SPATS1: variants seen among roughly 807,000 people sequenced by gnomAD.
SPATS1 encodes the protein spermatogenesis-associated serine-rich protein 1.
Under a neutral mutation model 33.6 loss-of-function variants are expected in SPATS1, and 23 were observed. The observed-to-expected ratio is 0.68, with a 90% confidence interval of 0.49 to 0.97. The LOEUF is 0.97. SPATS1 is among the 50% of genes least tolerant of loss of function. The probability of loss-of-function intolerance (pLI) is 0.00; values close to 1 mark genes in which losing one functional copy is unlikely to be tolerated. For synonymous variants in SPATS1, 131 were observed against 125.6 expected, an observed-to-expected ratio of 1.04 and a Z score of -0.29; for missense variants, 327 against 361.0, an observed-to-expected ratio of 0.91 and a Z score of 0.76.
intron 2 of SPATS1, among the ~76,000 whole-genome samples, chr6:44,343,909 C>G (rs753206970): frequency 3.3e-5 from 5 of 152,132 alleles, no homozygotes; most frequent in Non-Finnish European, 7.4e-5. Flanking sequence ...CCAGACTTTG[C>G]GGGATCAGAT....
At chr6:44,362,857 A>G (rs1554153364) in intron 5 of SPATS1, among the ~76,000 whole-genome samples, 1 of 149,876 alleles carries the variant, frequency 6.7e-6, no homozygotes, top group Non-Finnish European at 1.5e-5. Flanking sequence ...TTTTTTTTTG[A>G]GACGGAGTTT....
rs142374593 is a variant in SPATS1 at position 44,370,658 on chromosome 6, A to T, written c.758+545A>T. 6.3e-3 allele frequency among the ~76,000 whole-genome samples: 954 copies of T among 152,288 alleles called. 10 individuals are homozygous for T. The highest frequency in any genetic ancestry group is 0.01 in the Non-Finnish European group (698 of 68,008). ...TTCTTTTTTTACTTTCTAATACAAAACAGTCTCCTATGAGTGGGCATGTGT... is the reference window on the plus strand; with the variant it reads ...TTCTTTTTTTACTTTCTAATACAAATCAGTCTCCTATGAGTGGGCATGTGT... On this transcript the variant is annotated intron_variant, in intron 7 of 8. Transcript: ENST00000674044.
At chr6:44,366,009 T>C (rs1362720686) in intron 5 of SPATS1, among the ~76,000 whole-genome samples, 1 of 152,190 alleles carries the variant, frequency 6.6e-6, no homozygotes, top group Non-Finnish European at 1.5e-5. Context: ...AGAAGTGTTG[T>C]TTGGGAGATT....
chr6:44,368,415 C>T lies in SPATS1; in HGVS notation c.611C>T (p.Pro204Leu), dbSNP rs1334107452. ...DPRNGIPKLT[P>L]GDNPYMYPEQ... ...AGGAATGGAATCCCAAAGTTAACTC[C>T]AGGCGACAATCCATATATGTACCCA... The change falls in exon 6 of 9, where the codon CCA (proline) becomes CTA (leucine). Residue 204 changes from proline to leucine, a missense_variant. Transcript: ENST00000674044. 6.2e-7 allele frequency: 1 copy of T among 1,613,642 alleles called. No individual in the cohort carries two copies. The highest frequency in any genetic ancestry group is 8.5e-7 in the Non-Finnish European group (1 of 1,179,796).
rs923690823 is a variant in SPATS1 at position 44,355,633 on chromosome 6, A to T, written c.287+2760A>T. Among the ~76,000 whole-genome samples, 3 of 152,224 alleles carry T rather than the reference A, an allele frequency of 2.0e-5. No homozygotes were observed. The East Asian group carries it at 5.8e-4, about 29-fold the overall frequency. On this transcript the variant is annotated intron_variant, in intron 3 of 8. Transcript: ENST00000674044. ...TCAGCTTTTGCCCATCTCTGGTTAT[A>T]TCATAAAAGTAAATTCCTAGAAATG...
chr6:44,377,101 C>A lies in SPATS1; in HGVS notation c.*38C>A. 1 of 1,613,620 alleles carries A rather than the reference C, an allele frequency of 6.2e-7. No homozygotes were observed. The highest frequency in any genetic ancestry group is 1.1e-5 in the South Asian group (1 of 91,070). Reference sequence around the variant, plus strand: ...CCACAAAACATGTGCTGACTGCACTCTGGCGACCCTTTTCCAGTTGATGTT... The same window carrying A: ...CCACAAAACATGTGCTGACTGCACTATGGCGACCCTTTTCCAGTTGATGTT... On this transcript the variant is annotated 3_prime_UTR_variant, in exon 9 of 9. Transcript: ENST00000674044.
At chr6:44,342,874 G>A in intron 1 of SPATS1, 106 bp downstream of exon 1, 2 of 1,303,592 alleles carry the variant, frequency 1.5e-6, no homozygotes, top group Non-Finnish European at 2.1e-6. Flanking sequence ...GGGGGCTGCA[G>A]CGAGCCTGGT....
Position 44,373,393 on chromosome 6 carries a change from A to G in SPATS1, c.759-2965A>G, listed in dbSNP as rs151235078. Among the ~76,000 whole-genome samples, 74 of 152,280 alleles carry G rather than the reference A, an allele frequency of 4.9e-4. 1 individual carries two copies. The East Asian group carries it at 5.8e-3, about 12-fold the overall frequency. ...AATTGTTATTTCATACATTTTGTCC[A>G]GTTTTCTACTTGTTTAAGTCAGGAG... On this transcript the variant is annotated intron_variant, in intron 7 of 8. Transcript: ENST00000674044.
intron 3 of SPATS1, among the ~76,000 whole-genome samples, chr6:44,353,755 C>T (rs1001027223): frequency 1.3e-5 from 2 of 152,078 alleles, no homozygotes; most frequent in African/African-American, 4.8e-5. Flanking sequence ...ATAAAAGTCA[C>T]AGCCGGGCAA....
chr6:44,356,031 A>G (rs1367460475), intron 3 of SPATS1, among the ~76,000 whole-genome samples: 1 of 152,220 alleles, frequency 6.6e-6, no homozygotes, highest in East Asian at 1.9e-4. Flanking sequence ...CACTCTAGAC[A>G]TAGCCTCAGG....
chr6:44,369,590 G>A (rs892419673), intron 6 of SPATS1, among the ~76,000 whole-genome samples: 4 of 152,060 alleles, frequency 2.6e-5, no homozygotes, highest in African/African-American at 4.8e-5. Flanking sequence ...AAAATCTGTG[G>A]GCCAGGCACA....
At chr6:44,359,751 GTAGTGATGGGGTGTC>G (rs1188260987) in intron 3 of SPATS1, among the ~76,000 whole-genome samples, 1 of 151,804 alleles carries the variant, frequency 6.6e-6, no homozygotes, top group Non-Finnish European at 1.5e-5. Context: ...TGTATTTTTG[GTAGTGATGGGGTGTC>G]TCCATGTTGC....
Position 44,378,969 on chromosome 6 carries a change from A to T in SPATS1, c.*1906A>T, listed in dbSNP as rs556497227. On this transcript the variant is annotated 3_prime_UTR_variant, in exon 9 of 9. Coordinates refer to ENST00000674044, the MANE Select transcript of SPATS1 (RefSeq NM_001372081.1). ...ACCCCTGCTCCCAACATAATAATTT[A>T]AAAAAACACCAAATAATTTTTAAAA... 6.6e-6 allele frequency: 1 copy of T among 152,278 alleles called. No individual in the cohort carries two copies. Among genetic ancestry groups the T allele is most frequent in the Admixed American group, 6.5e-5 (1 of 15,292 alleles). The allele number at this position is 152,278 out of a possible 1,614,324, so 9.4% of individuals were successfully genotyped here.
chr6:44,359,566 T>C (rs1455314505), intron 3 of SPATS1, among the ~76,000 whole-genome samples: 1 of 151,964 alleles, frequency 6.6e-6, no homozygotes, highest in Non-Finnish European at 1.5e-5. Flanking sequence ...CATCACTACA[T>C]CATTCCTTTA....
At chr6:44,354,104 C>A (rs1469315268) in intron 3 of SPATS1, among the ~76,000 whole-genome samples, 1 of 149,362 alleles carries the variant, frequency 6.7e-6, no homozygotes, top group African/African-American at 2.5e-5. Context: ...ATAATCCCAG[C>A]ACTTTGGGAG....
At chr6:44,363,602 CT>C (rs1238464522) in intron 5 of SPATS1, among the ~76,000 whole-genome samples, 1 of 152,050 alleles carries the variant, frequency 6.6e-6, no homozygotes, top group East Asian at 1.9e-4. Flanking sequence ...CCTTTCCTTT[CT>C]TTTTCTTTCT....
At chr6:44,369,832 A>T (rs1789490808) in intron 6 of SPATS1, among the ~76,000 whole-genome samples, 1 of 151,940 alleles carries the variant, frequency 6.6e-6, no homozygotes, top group Non-Finnish European at 1.5e-5. Context: ...AGATTGTGCC[A>T]CTGCACTCCA....
chr6:44,369,880 C>CATAAAATAAAATAAAATAAAATAAA (rs56810338), intron 6 of SPATS1, among the ~76,000 whole-genome samples, 171 bp from the exon 7 acceptor site: 4,104 of 147,522 alleles, frequency 0.028, 139 homozygotes, highest in African/African-American at 0.073. Flanking sequence ...TCAAAACATA[C>CATAAAATAAAATAAAATAAAATAAA]ATAAAATAAA....
At chr6:44,368,667 T>G (rs1246500564) in intron 6 of SPATS1, among the ~76,000 whole-genome samples, 168 bp downstream of exon 6, 1 of 152,238 alleles carries the variant, frequency 6.6e-6, no homozygotes, top group Non-Finnish European at 1.5e-5. Context: ...CACATGCATG[T>G]GTATAATTAA....
Sources: allele counts gnomAD v4.1 joint callset (sites outside exome capture counted in the v4.1 genomes callset), GRCh38; gene constraint gnomAD v4.1.1; transcripts MANE v1.5; gene names NCBI Gene and HGNC (gene_info 2026-07-23, HGNC 2026-07-21).